The following ERC2 variants were observed in gnomAD, a reference collection of about 807,000 sequenced individuals.
The protein encoded by ERC2 is ERC protein 2.
A neutral mutation model predicts 114.8 loss-of-function variants in ERC2; 42 were observed. The observed-to-expected ratio is 0.37, with a 90% CI of 0.29 to 0.47. The LOEUF (loss-of-function observed/expected upper bound fraction) is 0.47, where lower values mean the gene tolerates loss of function less well. ERC2 is among the 20% of genes least tolerant of loss of function. ERC2 has a pLI of 0.99. For missense variants in ERC2, 939 were observed against 1,150.7 expected (o/e 0.82, Z 2.66); for synonymous variants, 454 against 425.5 (o/e 1.07, Z -0.82).
At chr3:56,414,282 G>T (rs780381696) in intron 2 of ERC2, among the ~76,000 whole-genome samples, 8 of 152,090 alleles carry the variant, frequency 5.3e-5, no homozygotes, top group Non-Finnish European at 8.8e-5. Flanking sequence ...CCATAATCAT[G>T]TCAACTCTCT....
intron 1 of ERC2, among the ~76,000 whole-genome samples, chr3:56,450,239 T>C (rs1371987575): frequency 6.6e-6 from 1 of 152,220 alleles, no homozygotes; most frequent in African/African-American, 2.4e-5. Context: ...ACTCATTTTA[T>C]AATTACTGTT....
intron 14 of ERC2, among the ~76,000 whole-genome samples, chr3:55,870,625 A>G (rs1207916059): frequency 1.3e-5 from 2 of 152,118 alleles, no homozygotes; most frequent in Non-Finnish European, 2.9e-5. Flanking sequence ...TGATCCCCTG[A>G]AGCCTGGACA....
chr3:56,102,660 T>C (rs2078425709), intron 6 of ERC2, among the ~76,000 whole-genome samples: 1 of 152,246 alleles, frequency 6.6e-6, no homozygotes, highest in South Asian at 2.1e-4. Flanking sequence ...TGCAATTCTG[T>C]GTCCTTTCTA....
chr3:55,700,451 A>G (rs1326622158), intron 15 of ERC2, among the ~76,000 whole-genome samples: 1 of 152,182 alleles, frequency 6.6e-6, no homozygotes, highest in Non-Finnish European at 1.5e-5. Context: ...AATTTCCTCA[A>G]CTCTAAAATG....
chr3:55,652,352 A>AT (rs200836331), intron 17 of ERC2, among the ~76,000 whole-genome samples: 1 of 151,792 alleles, frequency 6.6e-6, no homozygotes, highest in African/African-American at 2.4e-5. Context: ...ATTTTATTTT[A>AT]TTTTTTTTCC....
intron 3 of ERC2, among the ~76,000 whole-genome samples, chr3:56,216,791 C>T (rs1383002299): frequency 2.0e-5 from 3 of 152,172 alleles, no homozygotes; most frequent in African/African-American, 4.8e-5. Flanking sequence ...AGCTTGTCCA[C>T]CATGATCAGG....
rs887527642 is a variant in ERC2 at position 56,037,830 on chromosome 3, C to T, written c.1642-18799G>A. Among the ~76,000 whole-genome samples the T allele has an allele frequency of 3.9e-5, 6 of 152,042 alleles. No homozygotes were observed. The South Asian group carries it at 1.0e-3, about 26-fold the overall frequency. ...AGGTCAAGTCACTTAAAAAGGGAAG[C>T]CCAGCAGACTGACAGTGGACCTCTC... On this transcript the variant is annotated intron_variant, in intron 7 of 17. Coordinates refer to ENST00000288221, the MANE Select transcript of ERC2 (RefSeq NM_015576.3).
At chr3:55,740,027 T>G (rs1442391869) in intron 14 of ERC2, among the ~76,000 whole-genome samples, 1 of 152,186 alleles carries the variant, frequency 6.6e-6, no homozygotes, top group East Asian at 1.9e-4. Context: ...CTTTCCCCAT[T>G]GCTTGTTTTT....
At chr3:55,897,650 C>G (rs77495662) in intron 13 of ERC2, among the ~76,000 whole-genome samples, 1 of 152,140 alleles carries the variant, frequency 6.6e-6, no homozygotes, top group African/African-American at 2.4e-5. Context: ...TGAAGATAAA[C>G]GCTTAAACCC....
chr3:55,704,156 T>A (rs2063363410), intron 15 of ERC2, among the ~76,000 whole-genome samples: 1 of 152,210 alleles, frequency 6.6e-6, no homozygotes, highest in South Asian at 2.1e-4. Flanking sequence ...ATACTCCAAC[T>A]CTTTTGACAT....
chr3:56,337,031 C>T (rs2057883427), intron 2 of ERC2, among the ~76,000 whole-genome samples: 1 of 152,096 alleles, frequency 6.6e-6, no homozygotes, highest in Admixed American at 6.5e-5. Flanking sequence ...ATAGTTGAGA[C>T]ATGGTCTTCT....
intron 6 of ERC2, among the ~76,000 whole-genome samples, chr3:56,122,448 T>C (rs1278595320): frequency 6.6e-6 from 1 of 152,210 alleles, no homozygotes; most frequent in East Asian, 1.9e-4. Context: ...TAAAATTTTT[T>C]GTTTTACCTT....
chr3:55,957,446 C>T (rs1177009931), intron 12 of ERC2, among the ~76,000 whole-genome samples: 2 of 152,326 alleles, frequency 1.3e-5, no homozygotes, highest in South Asian at 4.2e-4. Context: ...TCCTGGCACA[C>T]AGTGAGTGCT....
intron 2 of ERC2, among the ~76,000 whole-genome samples, chr3:56,311,687 C>T (rs983451484): frequency 3.9e-5 from 6 of 152,036 alleles, no homozygotes; most frequent in African/African-American, 1.4e-4. Flanking sequence ...ACTATAGTCA[C>T]CCTACTGATC....
intron 12 of ERC2, among the ~76,000 whole-genome samples, chr3:55,957,940 T>C (rs2068076330): frequency 6.6e-6 from 1 of 152,214 alleles, no homozygotes; most frequent in African/African-American, 2.4e-5. Context: ...AGCTGTTCTC[T>C]CCTTCTCACC....
intron 10 of ERC2, chr3:56,003,222 T>C: frequency 5.2e-6 from 4 of 775,402 alleles, no homozygotes; most frequent in Admixed American, 9.1e-5. Flanking sequence ...ACAAAATCCA[T>C]GCATTCGCAC....
intron 6 of ERC2, among the ~76,000 whole-genome samples, chr3:56,098,934 G>T (rs181800941): frequency 6.6e-6 from 1 of 152,166 alleles, no homozygotes; most frequent in East Asian, 1.9e-4. Context: ...CCTGTAATGA[G>T]TTGAATGGTG....
chr3:56,216,344 A>G (rs972970346), intron 3 of ERC2, among the ~76,000 whole-genome samples: 8 of 152,266 alleles, frequency 5.3e-5, no homozygotes, highest in Non-Finnish European at 1.2e-4. Flanking sequence ...GCAGACTACC[A>G]TCAGAGAATA....
chr3:55,540,350 C>T (rs964352932), intron 17 of ERC2, among the ~76,000 whole-genome samples: 1 of 152,168 alleles, frequency 6.6e-6, no homozygotes, highest in East Asian at 1.9e-4. Context: ...TCATTTCACA[C>T]CTTACTCTTC....
Sources: gnomAD v4.1 joint callset for allele counts (sites outside exome capture counted in the v4.1 genomes callset) on GRCh38, gnomAD v4.1.1 for gene constraint, MANE v1.5 for transcripts, NCBI Gene and HGNC (gene_info 2026-07-23, HGNC 2026-07-21) for gene names.